The following SLC39A11 variants were observed in gnomAD, a reference collection of about 807,000 sequenced individuals.
SLC39A11 encodes the protein solute carrier family 39 member 11.
In SLC39A11, 33 loss-of-function variants were observed where a neutral mutation model predicts 36.1. That is an observed-to-expected ratio of 0.91 (90% CI 0.69 to 1.22). The LOEUF (loss-of-function observed/expected upper bound fraction) is 1.22. Ranked by LOEUF, SLC39A11 falls within the 50% of genes most tolerant of loss-of-function variation. SLC39A11 has a pLI of 0.00. For missense variants in SLC39A11, 432 were observed against 430.3 expected (o/e 1.00, Z -0.03); for synonymous variants, 166 against 170.3 (o/e 0.97, Z 0.20).
intron 6 of SLC39A11, chr17:72,822,060 T>C (rs2077804630): frequency 6.6e-6 from 1 of 151,214 alleles, no homozygotes; most frequent in Admixed American, 6.6e-5. Flanking sequence ...CTGGGGCCAT[T>C]TCTCCCTGGG....
chr17:72,893,534 T>A (rs967133216), intron 5 of SLC39A11, among the ~76,000 whole-genome samples: 2 of 152,198 alleles, frequency 1.3e-5, no homozygotes, highest in African/African-American at 4.8e-5. Context: ...CTATCTATAT[T>A]GTACAATTTG....
At chr17:72,981,215 A>G (rs78241469) in intron 4 of SLC39A11, among the ~76,000 whole-genome samples, 4,237 of 152,268 alleles carry the variant, frequency 0.028, 115 homozygotes, top group East Asian at 0.11. Context: ...TTTTATACAT[A>G]TATATTTTTA....
chr17:72,700,325 T>C (rs1179909249), intron 7 of SLC39A11, among the ~76,000 whole-genome samples: 1 of 152,238 alleles, frequency 6.6e-6, no homozygotes, highest in African/African-American at 2.4e-5. Flanking sequence ...CATAAAGTCA[T>C]TTCTATCTAA....
Position 72,915,778 on chromosome 17 carries a change from T to C in SLC39A11, c.430+31974A>G, listed in dbSNP as rs113875336. On this transcript the variant is annotated intron_variant, in intron 5 of 9. Transcript: ENST00000255559. Reference sequence around the variant, plus strand: ...TCAGCCTGGAGCAGCTCACATCCAGTAGCTCCTATATTCACACCTTTGTGA... The same window carrying C: ...TCAGCCTGGAGCAGCTCACATCCAGCAGCTCCTATATTCACACCTTTGTGA... Among the ~76,000 whole-genome samples the C allele has an allele frequency of 2.4e-3, 365 of 152,340 alleles. 1 individual carries two copies. The highest frequency in any genetic ancestry group is 6.0e-3 in the Admixed American group (92 of 15,308).
chr17:72,791,356 G>T (rs867686178), intron 6 of SLC39A11, among the ~76,000 whole-genome samples: 1 of 152,222 alleles, frequency 6.6e-6, no homozygotes, highest in Non-Finnish European at 1.5e-5. Flanking sequence ...GGAGGCTGAG[G>T]CAGGAGAATC....
At chr17:72,909,463 G>A (rs902257420) in intron 5 of SLC39A11, among the ~76,000 whole-genome samples, 1 of 152,170 alleles carries the variant, frequency 6.6e-6, no homozygotes, top group Non-Finnish European at 1.5e-5. Flanking sequence ...AACACGCTCT[G>A]GAGAAAGCAA....
At chr17:72,649,095 G>C in intron 8 of SLC39A11, 75 bp downstream of exon 8, 1 of 1,556,302 alleles carries the variant, frequency 6.4e-7, no homozygotes, top group Non-Finnish European at 8.8e-7. Context: ...CAGTGCAAAA[G>C]CACATCACTG....
intron 6 of SLC39A11, among the ~76,000 whole-genome samples, chr17:72,843,142 G>T (rs150505003): frequency 2.7e-4 from 41 of 152,166 alleles, no homozygotes; most frequent in Middle Eastern, 3.4e-3. Context: ...TAGAGACGGG[G>T]TGTCATCATG....
rs188047303 is a variant in SLC39A11 at position 72,730,246 on chromosome 17, G to A, written c.671+6404C>T. ...ATGATTTTTCCTTTAAACAGTTCGA[G>A]GCTTATGTTGCTAGGCGCCTACAAA... On this transcript the variant is annotated intron_variant, in intron 7 of 9. Transcript: ENST00000255559. Among the ~76,000 whole-genome samples, 5 of 152,262 alleles carry A rather than the reference G, an allele frequency of 3.3e-5. No homozygotes were observed. The East Asian group carries it at 9.6e-4, about 29-fold the overall frequency.
intron 4 of SLC39A11, among the ~76,000 whole-genome samples, chr17:72,959,576 G>A (rs2086481539): frequency 6.6e-6 from 1 of 151,680 alleles, no homozygotes; most frequent in Admixed American, 6.6e-5. Context: ...GGGGAAGGGT[G>A]GCAGAGGGAG....
At chr17:72,690,449 T>A (rs1243495632) in intron 7 of SLC39A11, among the ~76,000 whole-genome samples, 2 of 152,184 alleles carry the variant, frequency 1.3e-5, no homozygotes. Flanking sequence ...GCTTCTCGGG[T>A]ACTTTTCCCT....
chr17:72,998,781 C>G (rs1379330161), intron 4 of SLC39A11, among the ~76,000 whole-genome samples: 2 of 152,206 alleles, frequency 1.3e-5, no homozygotes, highest in Non-Finnish European at 2.9e-5. Flanking sequence ...GAACTGAACT[C>G]TGGGGGTCCC....
At chr17:72,914,557 AC>A (rs893176102) in intron 5 of SLC39A11, among the ~76,000 whole-genome samples, 1 of 151,954 alleles carries the variant, frequency 6.6e-6, no homozygotes, top group African/African-American at 2.4e-5. Flanking sequence ...TGGAACTAAT[AC>A]CCCATAGGTA....
At chr17:72,817,088 T>A (rs1212482245) in intron 6 of SLC39A11, among the ~76,000 whole-genome samples, 1 of 111,086 alleles carries the variant, frequency 9.0e-6, no homozygotes, top group East Asian at 2.0e-4. Flanking sequence ...AGTCCATTTG[T>A]GTTGATATAA....
chr17:72,869,677 C>T (rs2080503848), intron 5 of SLC39A11, among the ~76,000 whole-genome samples: 1 of 152,220 alleles, frequency 6.6e-6, no homozygotes, highest in African/African-American at 2.4e-5. Context: ...ACATGAGCCA[C>T]CACGCCCAGT....
intron 5 of SLC39A11, among the ~76,000 whole-genome samples, chr17:72,912,919 C>T (rs985713731): frequency 4.6e-5 from 7 of 152,214 alleles, no homozygotes; most frequent in Admixed American, 1.3e-4. Context: ...AGTGCTGACT[C>T]GAGAGACAGC....
At chr17:72,815,463 C>A (rs1400343318) in intron 6 of SLC39A11, among the ~76,000 whole-genome samples, 1 of 151,854 alleles carries the variant, frequency 6.6e-6, no homozygotes, top group Non-Finnish European at 1.5e-5. Context: ...ACTAAAAATA[C>A]AAAATTAGCA....
At chr17:72,676,944 T>C (rs1385620117) in intron 7 of SLC39A11, among the ~76,000 whole-genome samples, 1 of 152,196 alleles carries the variant, frequency 6.6e-6, no homozygotes, top group African/African-American at 2.4e-5. Context: ...TCTTAGAAAC[T>C]TGTGCTGGTG....
intron 3 of SLC39A11, among the ~76,000 whole-genome samples, chr17:73,032,181 T>C (rs960729367): frequency 6.6e-6 from 1 of 151,222 alleles, no homozygotes; most frequent in African/African-American, 2.4e-5. Context: ...CAAATGTCAA[T>C]GAGAATGCTG....
Sources: allele counts gnomAD v4.1 joint callset (sites outside exome capture counted in the v4.1 genomes callset), GRCh38; gene constraint gnomAD v4.1.1; transcripts MANE v1.5; gene names NCBI Gene and HGNC (gene_info 2026-07-23, HGNC 2026-07-21).